CASK: variants seen among roughly 807,000 people sequenced by gnomAD.
The protein encoded by CASK is calcium/calmodulin dependent serine protein kinase.
A neutral mutation model predicts 82.9 loss-of-function variants in CASK; 4 were observed. The ratio of observed to expected loss-of-function variants is 0.05; its 90% confidence interval spans 0.02 to 0.11. CASK has a LOEUF of 0.11. Among genes scored for constraint, CASK ranks in the 10% least tolerant of loss-of-function variants. The pLI, the probability that CASK is intolerant of heterozygous loss-of-function variation, is 1.00. For missense variants in CASK, 358 were observed against 720.9 expected (o/e 0.50, Z 5.76); for synonymous variants, 259 against 253.5 (o/e 1.02, Z -0.20).
intron 1 of CASK, among the ~76,000 whole-genome samples, chrX:41,887,248 C>G (rs1315068133): frequency 9.4e-6 from 1 of 106,815 alleles, no homozygotes; most frequent in East Asian, 3.0e-4. Context: ...TAGGTTTTTC[C>G]CCTCTAGCTT....
chrX:41,742,647 G>A lies in CASK; in HGVS notation c.356+2877C>T, dbSNP rs574851222. Reference sequence around the variant, plus strand: ...GTGTCTCAGAGTCTTCTTGCAGTCGGTCTCACTAGAATACTGATACAAGCT... The same window carrying A: ...GTGTCTCAGAGTCTTCTTGCAGTCGATCTCACTAGAATACTGATACAAGCT... On this transcript the variant is annotated intron_variant, in intron 4 of 26. Transcript: ENST00000378163. 3.6e-5 allele frequency among the ~76,000 whole-genome samples: 4 copies of A among 111,880 alleles called. No individual in the cohort carries two copies. In the South Asian group the frequency reaches 1.5e-3, roughly 42 times the overall value.
intron 5 of CASK, among the ~76,000 whole-genome samples, chrX:41,738,931 A>G (rs2068548159): frequency 8.9e-6 from 1 of 112,507 alleles, no homozygotes; most frequent in African/African-American, 3.2e-5. Flanking sequence ...TATTACATGT[A>G]TAATTATGAT....
chrX:41,759,088 T>C (rs1190789992), intron 3 of CASK, among the ~76,000 whole-genome samples: 1 of 112,359 alleles, frequency 8.9e-6, no homozygotes, highest in African/African-American at 3.2e-5. Context: ...CCTTTTTTCT[T>C]TGTGGATCCC....
In CASK at chrX:41,816,799, C is replaced by G. The variant is rs368686868; in HGVS notation, c.173-29516G>C. ...TCATGAAAGAAACAACCAAACCTCACTTAAGACGAAATAAACTGAATATTC... is the reference window on the plus strand; with the variant it reads ...TCATGAAAGAAACAACCAAACCTCAGTTAAGACGAAATAAACTGAATATTC... On this transcript the variant is annotated intron_variant, in intron 2 of 26. Transcript: ENST00000378163. Among the ~76,000 whole-genome samples the G allele has an allele frequency of 9.9e-4, 111 of 111,683 alleles. 1 individual carries two copies. The highest frequency in any genetic ancestry group is 3.5e-3 in the African/African-American group (109 of 30,834).
At chrX:41,730,864 G>A (rs887748560) in intron 5 of CASK, among the ~76,000 whole-genome samples, 6 of 110,585 alleles carry the variant, frequency 5.4e-5, no homozygotes, top group Non-Finnish European at 9.5e-5. Flanking sequence ...CATCATGCCC[G>A]GCTAATTTTT....
intron 1 of CASK, among the ~76,000 whole-genome samples, chrX:41,882,752 C>CA (rs1022967124): frequency 1.8e-5 from 2 of 111,329 alleles, no homozygotes; most frequent in African/African-American, 6.5e-5. Context: ...TATATATTAA[C>CA]AGGATCACAC....
intron 5 of CASK, among the ~76,000 whole-genome samples, chrX:41,684,167 T>G (rs142632203): frequency 1.0e-3 from 117 of 112,204 alleles, no homozygotes; most frequent in African/African-American, 3.6e-3. Flanking sequence ...GTAAGATATT[T>G]ATGTGATCTC....
chrX:41,660,376 G>A (rs937297546), intron 8 of CASK, 63 bp downstream of exon 8: 33 of 957,681 alleles, frequency 3.4e-5, no homozygotes, highest in Admixed American at 4.6e-5. Context: ...ATAGAGCAAC[G>A]CATTCCTGTC....
intron 5 of CASK, among the ~76,000 whole-genome samples, chrX:41,678,502 A>C (rs1473062714): frequency 8.9e-6 from 1 of 112,006 alleles, no homozygotes; most frequent in African/African-American, 3.2e-5. Context: ...AGTTTTATGC[A>C]CTAATACTTC....
chrX:41,739,727 T>C (rs188366127), intron 4 of CASK, among the ~76,000 whole-genome samples: 3 of 112,449 alleles, frequency 2.7e-5, no homozygotes, highest in Non-Finnish European at 5.6e-5. Context: ...TAAATTTGCT[T>C]TGCAAACTAA....
Position 41,578,475 on chromosome X carries a change from T to C in CASK, c.1368A>G (p.Ala456=), listed in dbSNP as rs1602292289. The C allele has an allele frequency of 1.7e-6, 2 of 1,207,184 alleles. No homozygotes were observed. The highest frequency in any genetic ancestry group is 3.5e-5 in the African/African-American group (2 of 57,225). The change falls in exon 15 of 27, where the codon GCA becomes GCG. Residue 456 remains alanine, a synonymous_variant. Coordinates refer to ENST00000378163, the MANE Select transcript of CASK (RefSeq NM_001367721.1). ...AGGTGGGAGGAGGTGTGACCCTCAA[T>C]GCTTCATCACTGTAAACTTCATGTG... ...VVAHEVYSDE[A]LRVTPPPTSP...
At chrX:41,827,930 C>A (rs2070701001) in intron 2 of CASK, among the ~76,000 whole-genome samples, 1 of 111,301 alleles carries the variant, frequency 9.0e-6, no homozygotes, top group Admixed American at 9.5e-5. Flanking sequence ...TTGAGGTAGG[C>A]AAGATAAAGA....
chrX:41,888,927 C>A (rs903271941), intron 1 of CASK, among the ~76,000 whole-genome samples: 2 of 109,097 alleles, frequency 1.8e-5, no homozygotes, highest in African/African-American at 6.7e-5. Flanking sequence ...CATATTTTTG[C>A]AATTGCAAAT....
intron 3 of CASK, among the ~76,000 whole-genome samples, chrX:41,756,052 T>C (rs754396662): frequency 8.9e-6 from 1 of 112,194 alleles, no homozygotes; most frequent in East Asian, 2.8e-4. Flanking sequence ...GTATATGGAA[T>C]TGCAGAAGGC....
chrX:41,809,943 C>A (rs1249130407), intron 2 of CASK, among the ~76,000 whole-genome samples: 5 of 112,221 alleles, frequency 4.5e-5, no homozygotes, highest in Non-Finnish European at 7.5e-5. Context: ...GTGACAAATG[C>A]ACAAGCTTCA....
intron 12 of CASK, among the ~76,000 whole-genome samples, chrX:41,608,430 G>A (rs1185900486): frequency 8.9e-6 from 1 of 111,870 alleles, no homozygotes; most frequent in Non-Finnish European, 1.9e-5. Flanking sequence ...GCCATGCTCT[G>A]TAGAACACAT....
chrX:41,916,656 T>C (rs2072695296), intron 1 of CASK, among the ~76,000 whole-genome samples: 1 of 112,127 alleles, frequency 8.9e-6, no homozygotes, highest in South Asian at 3.7e-4. Context: ...CGGCTGCAGC[T>C]CACTACACGG....
chrX:41,756,141 C>T (rs779374351), intron 3 of CASK, among the ~76,000 whole-genome samples: 13 of 112,122 alleles, frequency 1.2e-4, no homozygotes, highest in African/African-American at 3.9e-4. Flanking sequence ...TTAGCCCCCA[C>T]CTCCATGTCC....
Position 41,696,627 on chromosome X carries a change from A to G in CASK, c.430-25097T>C. The G allele has an allele frequency of 1.7e-6, 2 of 1,211,132 alleles. No homozygotes were observed. The highest frequency in any genetic ancestry group is 2.2e-6 in the Non-Finnish European group (2 of 894,994). ...TCCAGTCATGTATTTCCTGATGTCC[A>G]GTAACATTCGCAAAATAATGTGCCA... On this transcript the variant is annotated intron_variant, in intron 5 of 26. Coordinates refer to ENST00000378163, the MANE Select transcript of CASK (RefSeq NM_001367721.1).
Sources: allele counts gnomAD v4.1 joint callset (sites outside exome capture counted in the v4.1 genomes callset), GRCh38; gene constraint gnomAD v4.1.1; transcripts MANE v1.5; gene names NCBI Gene and HGNC (gene_info 2026-07-23, HGNC 2026-07-21).